METAP1D: variants seen among roughly 807,000 people sequenced by gnomAD.
METAP1D encodes methionyl aminopeptidase type 1D, mitochondrial.
METAP1D carries 31 observed loss-of-function variants against 40.5 expected under a neutral mutation model. The observed-to-expected ratio is 0.77, with a 90% CI of 0.58 to 1.03. The LOEUF (loss-of-function observed/expected upper bound fraction) is 1.03. Ranked by LOEUF, METAP1D falls within the 50% of genes least tolerant of loss-of-function variation. METAP1D has a pLI of 0.00. For missense variants in METAP1D, 411 were observed against 420.7 expected (o/e 0.98, Z 0.20); for synonymous variants, 151 against 146.4 (o/e 1.03, Z -0.22).
In METAP1D at chr2:172,034,076, C is replaced by CAA. The variant is rs1491369972; in HGVS notation, c.41-27406_41-27405dup. On this transcript the variant is annotated intron_variant, in intron 1 of 9. Coordinates refer to ENST00000315796, the MANE Select transcript of METAP1D (RefSeq NM_199227.3). ...TGGGCAACAGAGCAAGACTTCATCTCAAAAAAAAAAAAAAAAACAAAAGTC... is the reference window on the plus strand; with the variant it reads ...TGGGCAACAGAGCAAGACTTCATCTCAAAAAAAAAAAAAAAAAAACAAAAGTC... Among the ~76,000 whole-genome samples the CAA allele has an allele frequency of 1.9e-3, 73 of 38,678 alleles. 2 individuals carry two copies. The highest frequency in any genetic ancestry group is 2.3e-3 in the Non-Finnish European group (45 of 19,322). The allele number at this position is 38,678 out of a possible 152,430, so 25.4% of individuals were successfully genotyped here.
intron 5 of METAP1D, among the ~76,000 whole-genome samples, chr2:172,070,494 T>G (rs756782645): frequency 2.0e-5 from 3 of 152,210 alleles, no homozygotes; most frequent in Non-Finnish European, 2.9e-5. Flanking sequence ...CAAGTAAGTC[T>G]TCATGACATT....
At chr2:172,060,210 G>A (rs1690106726) in intron 1 of METAP1D, among the ~76,000 whole-genome samples, 1 of 152,084 alleles carries the variant, frequency 6.6e-6, no homozygotes, top group Non-Finnish European at 1.5e-5. Context: ...GAGCCCAGGA[G>A]TTTAAAACCA....
intron 6 of METAP1D, among the ~76,000 whole-genome samples, chr2:172,076,813 A>G (rs1690556943): frequency 6.6e-6 from 1 of 152,260 alleles, no homozygotes; most frequent in Admixed American, 6.5e-5. Flanking sequence ...TAATTGAAAT[A>G]GTAGTCCTGT....
At chr2:172,063,577 G>A (rs1158659291) in intron 2 of METAP1D, 134 bp from the exon 3 acceptor site, 2 of 707,074 alleles carry the variant, frequency 2.8e-6, no homozygotes, top group African/African-American at 1.8e-5. Context: ...TGGAGGGTCT[G>A]TTGTGCTGGC....
At chr2:172,003,592 C>T (rs1350259284) in intron 1 of METAP1D, among the ~76,000 whole-genome samples, 1 of 152,098 alleles carries the variant, frequency 6.6e-6, no homozygotes, top group Non-Finnish European at 1.5e-5. Context: ...CATTCTCTCT[C>T]CTGCCACCCT....
chr2:172,039,517 T>C (rs1559005293), intron 1 of METAP1D, among the ~76,000 whole-genome samples: 1 of 152,158 alleles, frequency 6.6e-6, no homozygotes, highest in East Asian at 1.9e-4. Context: ...TTTCTTTGTA[T>C]TTTCACAAAA....
intron 1 of METAP1D, among the ~76,000 whole-genome samples, chr2:172,004,274 T>A (rs1046986181): frequency 6.6e-6 from 1 of 152,092 alleles, no homozygotes; most frequent in Non-Finnish European, 1.5e-5. Flanking sequence ...CTTGCTATCT[T>A]GTATAGCTTC....
At chr2:172,074,123 CTG>C (rs1356646340) in intron 6 of METAP1D, among the ~76,000 whole-genome samples, 1 of 152,040 alleles carries the variant, frequency 6.6e-6, no homozygotes, top group Admixed American at 6.6e-5. Context: ...ATTTCTAAAT[CTG>C]TATTTTTATA....
At position 172,070,810 on chromosome 2, in the gene METAP1D, A is replaced by ACG. The variant is rs921607738; in HGVS notation, c.541-96_541-95insGC. 3 of 949,974 alleles carry ACG rather than the reference A, an allele frequency of 3.2e-6. No individual in the cohort carries two copies. The African/African-American group carries it at 6.1e-5, about 19-fold the overall frequency. The allele number at this position is 949,974 out of a possible 1,614,324, so 58.8% of individuals were successfully genotyped here. Reference sequence around the variant, plus strand: ...AAATGAATAATTCTGGAAGGGTAAAACATGAGTCTACTAAATACATAAATG... The same window carrying ACG: ...AAATGAATAATTCTGGAAGGGTAAAACGCATGAGTCTACTAAATACATAAATG... On this transcript the variant is annotated intron_variant, in intron 5 of 9. Coordinates refer to ENST00000315796, the MANE Select transcript of METAP1D (RefSeq NM_199227.3).
At chr2:172,066,538 T>G (rs1690284889) in intron 5 of METAP1D, among the ~76,000 whole-genome samples, 1 of 152,246 alleles carries the variant, frequency 6.6e-6, no homozygotes, top group Non-Finnish European at 1.5e-5. Context: ...AATGTTGGCC[T>G]AAGTGAAATG....
At position 172,070,910 on chromosome 2, in the gene METAP1D, T is replaced by C. The variant is rs1453436238; in HGVS notation, c.544T>C (p.Tyr182His). ...GDIINIDVTVYYNGYHGDTSE... is the reference protein window; with the variant it reads ...GDIINIDVTVHYNGYHGDTSE... Reference sequence around the variant, plus strand: ...TTAAATTTCTGCTTATGTTTAGGTCTATTACAATGGCTACCATGGAGACAC... The same window carrying C: ...TTAAATTTCTGCTTATGTTTAGGTCCATTACAATGGCTACCATGGAGACAC... The change falls in exon 6 of 10, where the codon TAT becomes CAT. Residue 182 changes from tyrosine to histidine, a missense_variant. Coordinates refer to ENST00000315796, the MANE Select transcript of METAP1D (RefSeq NM_199227.3). 1 of 1,606,706 alleles carries C rather than the reference T, an allele frequency of 6.2e-7. No individual in the cohort carries two copies. Among genetic ancestry groups the C allele is most frequent in the Admixed American group, 1.7e-5 (1 of 59,018 alleles).
intron 1 of METAP1D, among the ~76,000 whole-genome samples, chr2:172,049,765 C>T (rs1689847805): frequency 6.6e-6 from 1 of 152,140 alleles, no homozygotes; most frequent in African/African-American, 2.4e-5. Context: ...TGTCTTGAAT[C>T]TGTGTACTCT....
chr2:172,009,870 C>G (rs1179332568), intron 1 of METAP1D, among the ~76,000 whole-genome samples: 1 of 151,870 alleles, frequency 6.6e-6, no homozygotes, highest in African/African-American at 2.4e-5. Context: ...GGAAATGGTA[C>G]AGAGGAGAAA....
intron 6 of METAP1D, among the ~76,000 whole-genome samples, chr2:172,073,926 G>T (rs1272177714): frequency 1.3e-5 from 2 of 152,196 alleles, no homozygotes; most frequent in Non-Finnish European, 2.9e-5. Flanking sequence ...AAAACCTTGA[G>T]ATCTCTACAG....
At chr2:172,040,479 G>A (rs1689492195) in intron 1 of METAP1D, among the ~76,000 whole-genome samples, 1 of 152,150 alleles carries the variant, frequency 6.6e-6, no homozygotes, top group Non-Finnish European at 1.5e-5. Flanking sequence ...AACTACATCA[G>A]GAGAGCATTT....
At chr2:172,013,823 C>CT (rs35639666) in intron 1 of METAP1D, among the ~76,000 whole-genome samples, 37 of 127,816 alleles carry the variant, frequency 2.9e-4, no homozygotes, top group African/African-American at 4.4e-4. Context: ...CTTTTTTTTT[C>CT]TTTTTTTTTT....
intron 1 of METAP1D, among the ~76,000 whole-genome samples, chr2:172,041,798 T>G (rs1689539569): frequency 2.3e-5 from 2 of 85,738 alleles, no homozygotes; most frequent in African/African-American, 6.7e-5. Flanking sequence ...ACCTAATATA[T>G]ATATAGTTTT....
intron 6 of METAP1D, 75 bp downstream of exon 6, chr2:172,071,145 G>A: frequency 7.7e-7 from 1 of 1,295,778 alleles, no homozygotes; most frequent in East Asian, 2.8e-5. Flanking sequence ...GTATAAAGTT[G>A]ATGACATGTT....
intron 1 of METAP1D, among the ~76,000 whole-genome samples, chr2:172,054,545 T>TAAATAAATAAATAAAA (rs1689960692): frequency 6.6e-6 from 1 of 151,746 alleles, no homozygotes; most frequent in Non-Finnish European, 1.5e-5. Flanking sequence ...AATAAATAAA[T>TAAATAAATAAATAAAA]AAAATGCATT....
Sources: gnomAD v4.1 joint callset for allele counts (sites outside exome capture counted in the v4.1 genomes callset) on GRCh38, gnomAD v4.1.1 for gene constraint, MANE v1.5 for transcripts, NCBI Gene and HGNC (gene_info 2026-07-23, HGNC 2026-07-21) for gene names.